The following CHRM3 variants were observed in gnomAD, a reference collection of about 807,000 sequenced individuals.
CHRM3 encodes cholinergic receptor muscarinic 3.
In CHRM3, 11 loss-of-function variants were observed where a neutral mutation model predicts 41.8. The observed-to-expected ratio is 0.26, with a 90% CI of 0.17 to 0.44. CHRM3 has a LOEUF of 0.44. Ranked by LOEUF, CHRM3 falls within the 20% of genes least tolerant of loss-of-function variation. The pLI, the probability that CHRM3 is intolerant of heterozygous loss-of-function variation, is 1.00. For missense variants in CHRM3, 571 were observed against 745.4 expected (o/e 0.77, Z 2.72); for synonymous variants, 297 against 301.4 (o/e 0.99, Z 0.15).
chr1:239,412,643 G>A (rs776889177), intron 1 of CHRM3, among the ~76,000 whole-genome samples: 4 of 151,840 alleles, frequency 2.6e-5, no homozygotes, highest in Non-Finnish European at 5.9e-5. Context: ...CACTGCTGCA[G>A]TATATCCTGC....
intron 1 of CHRM3, among the ~76,000 whole-genome samples, chr1:239,466,552 CT>C (rs1665745279): frequency 6.6e-6 from 1 of 151,882 alleles, no homozygotes; most frequent in African/African-American, 2.4e-5. Flanking sequence ...GTTACCACCC[CT>C]AACTCCCACA....
At chr1:239,713,916 T>G (rs1662074308) in intron 5 of CHRM3, among the ~76,000 whole-genome samples, 1 of 152,200 alleles carries the variant, frequency 6.6e-6, no homozygotes, top group Admixed American at 6.5e-5. Flanking sequence ...TATGTACCTC[T>G]TTAAGGTTTT....
At chr1:239,897,805 A>T (rs1042175077) in intron 6 of CHRM3, among the ~76,000 whole-genome samples, 1 of 152,216 alleles carries the variant, frequency 6.6e-6, no homozygotes, top group Non-Finnish European at 1.5e-5. Flanking sequence ...TAATGCAAGG[A>T]AACATCAGTC....
At chr1:239,492,455 T>C (rs974044752) in intron 1 of CHRM3, among the ~76,000 whole-genome samples, 9 of 152,202 alleles carry the variant, frequency 5.9e-5, no homozygotes, top group African/African-American at 2.2e-4. Context: ...GTGTGCTTTA[T>C]CTAAATAGGA....
intron 6 of CHRM3, among the ~76,000 whole-genome samples, chr1:239,894,951 C>G (rs1186524799): frequency 6.6e-6 from 1 of 152,176 alleles, no homozygotes; most frequent in Non-Finnish European, 1.5e-5. Context: ...GCAAGACCCT[C>G]TGGTGCCTTC....
At chr1:239,898,853 A>T (rs1039801812) in intron 6 of CHRM3, among the ~76,000 whole-genome samples, 3 of 152,146 alleles carry the variant, frequency 2.0e-5, no homozygotes, top group Admixed American at 1.3e-4. Context: ...TAAATTTTTT[A>T]AATTTACCTA....
intron 3 of CHRM3, among the ~76,000 whole-genome samples, chr1:239,598,884 T>C (rs1391099136): frequency 7.2e-6 from 1 of 138,926 alleles, no homozygotes; most frequent in Admixed American, 7.3e-5. Context: ...GCCATCAAAC[T>C]TGCACAGAGG....
chr1:239,582,287 T>C (rs1203126226), intron 3 of CHRM3, among the ~76,000 whole-genome samples: 1 of 152,238 alleles, frequency 6.6e-6, no homozygotes, highest in East Asian at 1.9e-4. Context: ...CTTTGTCTGC[T>C]AAAAATAATT....
intron 3 of CHRM3, among the ~76,000 whole-genome samples, chr1:239,592,782 G>A (rs1310611103): frequency 1.3e-5 from 2 of 151,950 alleles, no homozygotes; most frequent in Non-Finnish European, 2.9e-5. Flanking sequence ...GAATAACGTG[G>A]CTATTAGCAT....
chr1:239,796,838 A>AC (rs1407950166), intron 5 of CHRM3, among the ~76,000 whole-genome samples: 1 of 150,430 alleles, frequency 6.6e-6, no homozygotes, highest in Non-Finnish European at 1.5e-5. Flanking sequence ...TTCATTCCTC[A>AC]CCCCCCTCCC....
intron 2 of CHRM3, among the ~76,000 whole-genome samples, chr1:239,516,564 G>A (rs1265731015): frequency 6.6e-6 from 1 of 152,206 alleles, no homozygotes; most frequent in Non-Finnish European, 1.5e-5. Flanking sequence ...AGCTGTATGA[G>A]ATAGCAGGCG....
chr1:239,885,790 A>G (rs1212835806), intron 6 of CHRM3, among the ~76,000 whole-genome samples: 1 of 152,160 alleles, frequency 6.6e-6, no homozygotes, highest in African/African-American at 2.4e-5. Context: ...AGTCTCCACT[A>G]GGTCATTCTA....
At chr1:239,549,935 C>G (rs913628678) in intron 3 of CHRM3, among the ~76,000 whole-genome samples, 1 of 151,564 alleles carries the variant, frequency 6.6e-6, no homozygotes, top group Non-Finnish European at 1.5e-5. Context: ...GAGTATAAGC[C>G]TAGGAATGGA....
chr1:239,635,566 G>C (rs10429917), intron 4 of CHRM3, among the ~76,000 whole-genome samples: 6,434 of 152,104 alleles, frequency 0.042, 174 homozygotes, highest in East Asian at 0.078. Context: ...CCACTGTCCT[G>C]GACACCCAGG....
chr1:239,396,666 A>C (rs897848287), intron 1 of CHRM3, among the ~76,000 whole-genome samples: 1 of 152,168 alleles, frequency 6.6e-6, no homozygotes, highest in Non-Finnish European at 1.5e-5. Context: ...AAAGTAATAT[A>C]TGTCATACAA....
intron 5 of CHRM3, among the ~76,000 whole-genome samples, chr1:239,813,505 G>T (rs1671281414): frequency 6.6e-6 from 1 of 152,010 alleles, no homozygotes; most frequent in Non-Finnish European, 1.5e-5. Context: ...ATTAATTTTT[G>T]CAAACATTCA....
intron 5 of CHRM3, among the ~76,000 whole-genome samples, chr1:239,734,047 T>C (rs1445153057): frequency 1.3e-5 from 2 of 152,126 alleles, no homozygotes; most frequent in African/African-American, 2.4e-5. Context: ...TGGTCAGTTA[T>C]TTTTATCCAT....
At chr1:239,640,297 A>T (rs575128093) in intron 4 of CHRM3, among the ~76,000 whole-genome samples, 169 of 151,874 alleles carry the variant, frequency 1.1e-3, no homozygotes, top group Non-Finnish European at 2.1e-3. Context: ...GTTAGGGAGG[A>T]TTCTCTCTTT....
At chr1:239,819,702 A>G (rs1259156802) in intron 5 of CHRM3, among the ~76,000 whole-genome samples, 1 of 152,224 alleles carries the variant, frequency 6.6e-6, no homozygotes, top group African/African-American at 2.4e-5. Flanking sequence ...CACAATCACC[A>G]TGAGCTTAGA....
Sources: gnomAD v4.1 joint callset for allele counts (sites outside exome capture counted in the v4.1 genomes callset) on GRCh38, gnomAD v4.1.1 for gene constraint, MANE v1.5 for transcripts, NCBI Gene and HGNC (gene_info 2026-07-23, HGNC 2026-07-21) for gene names.